Variants in PRAMEF4 observed in about 807,000 individuals in gnomAD.
PRAMEF4 encodes RP5-845O24.6.
Under a neutral mutation model 34.4 loss-of-function variants are expected in PRAMEF4, and 18 were observed. The ratio of observed to expected loss-of-function variants is 0.52; its 90% CI spans 0.36 to 0.78. The LOEUF (loss-of-function observed/expected upper bound fraction) is 0.78, where lower values mean the gene tolerates loss of function less well. Ranked by LOEUF, PRAMEF4 falls within the 30% of genes least tolerant of loss-of-function variation. PRAMEF4 has a pLI of 0.00. For missense variants in PRAMEF4, 482 were observed against 569.1 expected (o/e 0.85, Z 1.56); for synonymous variants, 156 against 219.3 (o/e 0.71, Z 2.55).
chr1:12,881,209 T>C (rs1307784557), intron 3 of PRAMEF4, among the ~76,000 whole-genome samples: 1 of 147,442 alleles, frequency 6.8e-6, no homozygotes, highest in Non-Finnish European at 1.5e-5. Context: ...CTACTTAAAA[T>C]ATAAAAATTA....
At chr1:12,885,661 A>G (rs541075318) in intron 1 of PRAMEF4, among the ~76,000 whole-genome samples, 3 of 145,670 alleles carry the variant, frequency 2.1e-5, no homozygotes, top group East Asian at 4.0e-4. Flanking sequence ...GATGTCTGTG[A>G]CACCAGCTTC....
Position 12,883,423 on chromosome 1 carries a change from A to C in PRAMEF4, c.-16-13T>G. 1 of 1,601,042 alleles carries C rather than the reference A, an allele frequency of 6.2e-7. No homozygotes were observed. Among genetic ancestry groups the C allele is most frequent in the South Asian group, 1.1e-5 (1 of 90,200 alleles). Reference sequence around the variant, plus strand: ...TCTGCAGGGAAAACTTCCAGAGGACAAACCCAGAGAAAAGGCATCTCTCTC... The same window carrying C: ...TCTGCAGGGAAAACTTCCAGAGGACCAACCCAGAGAAAAGGCATCTCTCTC... On this transcript the variant is annotated splice_polypyrimidine_tract_variant and intron_variant, in intron 1 of 3. Coordinates refer to ENST00000235349, the MANE Select transcript of PRAMEF4 (RefSeq NM_001009611.4).
intron 1 of PRAMEF4, among the ~76,000 whole-genome samples, chr1:12,884,977 A>C (rs1640972019): frequency 6.7e-6 from 1 of 150,106 alleles, no homozygotes. Flanking sequence ...AGAAAGAAAG[A>C]AAACTTGAAA....
intron 3 of PRAMEF4, among the ~76,000 whole-genome samples, chr1:12,880,808 G>A (rs1171823633): frequency 1.4e-5 from 2 of 146,340 alleles, no homozygotes; most frequent in African/African-American, 2.6e-5. Flanking sequence ...TCCCTGACAT[G>A]CCTGTATCAT....
chr1:12,885,962 A>G (rs1640994820), intron 1 of PRAMEF4, among the ~76,000 whole-genome samples, 185 bp downstream of exon 1: 1 of 93,690 alleles, frequency 1.1e-5, no homozygotes, highest in Non-Finnish European at 2.0e-5. Context: ...AGCACAATCA[A>G]CTTTTTTGAA....
At chr1:12,884,056 T>C (rs1640947574) in intron 1 of PRAMEF4, among the ~76,000 whole-genome samples, 1 of 146,364 alleles carries the variant, frequency 6.8e-6, no homozygotes, top group Admixed American at 7.2e-5. Flanking sequence ...TCACCCAGCC[T>C]GGAGTGTAGT....
chr1:12,883,109 G>T lies in PRAMEF4; in HGVS notation c.286C>A (p.Arg96Ser), dbSNP rs76269416. The part of the protein sequence containing the change: ...GLDALLNLGV[R>S]PRRWKLQVLD... ...CCACCTGGGCCACCTCACCTGGGAC[G>T]AACCCCTAGGTTAAGCAGTGCATCC... is the stretch of plus-strand genomic sequence containing the variant. The change falls in exon 2 of 4, where the codon CGT becomes AGT. Residue 96 changes from arginine to serine, a missense_variant. Physicochemically the swap from Arg to Ser is moderately radical, Grantham distance 110. Around this residue, in one of 6 missense-constraint regions of PRAMEF4, gnomAD observed 172 missense variants for 130.2 expected, o/e 1.32. Transcript: ENST00000235349. 7.5e-6 allele frequency: 12 copies of T among 1,601,082 alleles called. No individual in the cohort carries two copies. The highest frequency in any genetic ancestry group is 2.0e-4 in the Middle Eastern group (1 of 5,108).
rs950231210 is a variant in PRAMEF4, at chr1:12,884,691, G to A, written c.-16-1281C>T. On this transcript the variant is annotated intron_variant, in intron 1 of 3. Coordinates refer to ENST00000235349, the MANE Select transcript of PRAMEF4 (RefSeq NM_001009611.4). Reference sequence around the variant, plus strand: ...CATTATACCACTCCACTCCAGCCTGGGAAATAGGCTAGATTGAACAGAGAG... The same window carrying A: ...CATTATACCACTCCACTCCAGCCTGAGAAATAGGCTAGATTGAACAGAGAG... Among the ~76,000 whole-genome samples the A allele has an allele frequency of 5.4e-5, 8 of 147,436 alleles. 2 individuals carry two copies. The highest frequency in any genetic ancestry group is 2.1e-4 in the Admixed American group (3 of 14,284).
Position 12,883,038 on chromosome 1 carries a change from G to T in PRAMEF4, c.293+64C>A. The T allele has an allele frequency of 5.1e-6, 8 of 1,582,360 alleles. 1 individual carries two copies. The Admixed American group carries it at 1.4e-4, about 29-fold the overall frequency. ...CCCCTTGGGCCTCCTCACTTCTCAC[G>T]ACCCAGCTGTTCCTTCAGTTGGACA... On this transcript the variant is annotated intron_variant, in intron 2 of 3. Coordinates refer to ENST00000235349, the MANE Select transcript of PRAMEF4 (RefSeq NM_001009611.4).
chr1:12,884,492 A>T (rs970519678), intron 1 of PRAMEF4, among the ~76,000 whole-genome samples: 1 of 148,664 alleles, frequency 6.7e-6, no homozygotes, highest in East Asian at 2.0e-4. Flanking sequence ...AGGCAGGTGG[A>T]TCATCTGAGA....
chr1:12,879,704 C>G lies in PRAMEF4; in HGVS notation c.1277G>C (p.Gly426Ala), dbSNP rs778481526. ...PAPRESYGAD[G>A]TLCWSRFAQI... ...AGCAAATCTGCTCCAGCAGAGAGTA[C>G]CATCAGCACCATAACTCTCCCGGGG... The change falls in exon 4 of 4, where the codon GGT (glycine) becomes GCT (alanine). Residue 426 changes from glycine (G) to alanine (A), a missense_variant. Coordinates refer to ENST00000235349, the MANE Select transcript of PRAMEF4 (RefSeq NM_001009611.4). The G allele has an allele frequency of 1.9e-6, 3 of 1,601,418 alleles. No individual in the cohort carries two copies. The South Asian group carries it at 3.3e-5, about 18-fold the overall frequency.
In PRAMEF4 at chr1:12,883,251, C is replaced by T. The variant is rs1640928632; in HGVS notation, c.144G>A (p.Arg48=). 1 of 1,599,172 alleles carries T rather than the reference C, an allele frequency of 6.3e-7. No individual in the cohort carries two copies. Among genetic ancestry groups the T allele is most frequent in the Non-Finnish European group, 8.5e-7 (1 of 1,173,126 alleles). Residue 48 remains arginine, a synonymous_variant, in exon 2 of 4, where the codon AGG becomes AGA. Coordinates refer to ENST00000235349, the MANE Select transcript of PRAMEF4 (RefSeq NM_001009611.4). The part of the protein sequence containing the change: ...FPPLFMEAFS[R]RRCEALKLMV... ...TCAGCTTCAGGGCCTCACAGCGTCT[C>T]CTGCTGAAGGCCTCCATGAACAGTG...
chr1:12,884,489 T>A (rs199580434), intron 1 of PRAMEF4, among the ~76,000 whole-genome samples: 1 of 146,104 alleles, frequency 6.8e-6, no homozygotes, highest in African/African-American at 2.5e-5. Context: ...CCGAGGCAGG[T>A]GGATCATCTG....
At chr1:12,880,708 G>C (rs1640871906) in intron 3 of PRAMEF4, among the ~76,000 whole-genome samples, 1 of 148,250 alleles carries the variant, frequency 6.7e-6, no homozygotes, top group African/African-American at 2.5e-5. Context: ...CCACATCCCT[G>C]GGCCACAGGA....
Position 12,883,200 on chromosome 1 carries a change from G to T in PRAMEF4, c.195C>A (p.Arg65=), listed in dbSNP as rs780394575. The change falls in exon 2 of 4, where the codon CGC becomes CGA. Residue 65 remains arginine, a synonymous_variant. Coordinates refer to ENST00000235349, the MANE Select transcript of PRAMEF4 (RefSeq NM_001009611.4). ...KLMVQSWPFR[R]LPLRPLIKMP... ...TCTTTATCAGAGGCCTCAGAGGGAGGCGGCGGAAGGGCCAGGACTGCACCA... is the reference window on the plus strand; with the variant it reads ...TCTTTATCAGAGGCCTCAGAGGGAGTCGGCGGAAGGGCCAGGACTGCACCA... The T allele has an allele frequency of 2.1e-5, 34 of 1,599,480 alleles. 2 individuals are homozygous for T. The highest frequency in any genetic ancestry group is 2.9e-5 in the Non-Finnish European group (34 of 1,173,132).
intron 3 of PRAMEF4, among the ~76,000 whole-genome samples, chr1:12,880,413 T>C (rs1640865419): frequency 6.7e-6 from 1 of 150,340 alleles, no homozygotes; most frequent in African/African-American, 2.5e-5. Flanking sequence ...TCCTCTCTAC[T>C]AAAAATCCAA....
At position 12,882,367 on chromosome 1, in the gene PRAMEF4, G is replaced by C. The variant is rs1254054345; in HGVS notation, c.362C>G (p.Ala121Gly). The change falls in exon 3 of 4, where the codon GCT becomes GGT. Residue 121 changes from alanine to glycine, a missense_variant. Transcript: ENST00000235349. ...ATTGAGGAAGCACCCATGGGCCATA[G>C]CTTCAGACCAAACCATCCAGAAGTT... ...CENFWMVWSE[A>G]MAHGCFLNAK... 6.3e-7 allele frequency: 1 copy of C among 1,583,410 alleles called. No individual in the cohort carries two copies. The highest frequency in any genetic ancestry group is 8.6e-7 in the Non-Finnish European group (1 of 1,165,986).
rs1405423925 is a variant in PRAMEF4 at position 12,879,647 on chromosome 1, C to T, written c.1334G>A (p.Arg445Lys). The change falls in exon 4 of 4, where the codon AGG becomes AAG. Residue 445 changes from arginine to lysine, a missense_variant. Arg to Lys is a conservative substitution (Grantham distance 26, BLOSUM62 2). Transcript: ENST00000235349. ...QIRAELMNRV[R>K]DLRHPKRILF... ...GATCCTCTTGGGGTGCCTTAAGTCC[C>T]TCACTCTGTTCATCAGCTCAGCCCT... 6.3e-7 allele frequency: 1 copy of T among 1,598,008 alleles called. No individual in the cohort carries two copies. The highest frequency in any genetic ancestry group is 8.5e-7 in the Non-Finnish European group (1 of 1,172,532).
At position 12,879,665 on chromosome 1, in the gene PRAMEF4, T is replaced by G. The variant is rs1302401536; in HGVS notation, c.1316A>C (p.Glu439Ala). The G allele has an allele frequency of 8.1e-6, 13 of 1,601,568 alleles. 1 individual carries two copies. Among genetic ancestry groups the G allele is most frequent in the Non-Finnish European group, 1.1e-5 (13 of 1,175,212 alleles). ...TAAGTCCCTCACTCTGTTCATCAGCTCAGCCCTAATTTGAGCAAATCTGCT... is the reference window on the plus strand; with the variant it reads ...TAAGTCCCTCACTCTGTTCATCAGCGCAGCCCTAATTTGAGCAAATCTGCT... The part of the protein sequence containing the change: ...CWSRFAQIRA[E>A]LMNRVRDLRH... The change falls in exon 4 of 4, where the codon GAG (glutamate) becomes GCG (alanine). Residue 439 changes from glutamate (E) to alanine (A), a missense_variant. Physicochemically the swap from Glu to Ala is moderately radical, Grantham distance 107. Coordinates refer to ENST00000235349, the MANE Select transcript of PRAMEF4 (RefSeq NM_001009611.4).
Sources: gnomAD v4.1 joint callset for allele counts (sites outside exome capture counted in the v4.1 genomes callset) on GRCh38, gnomAD v4.1.1 for gene constraint, gnomAD v4.1.1 regional missense constraint, MANE v1.5 for transcripts, NCBI Gene and HGNC (gene_info 2026-07-23, HGNC 2026-07-21) for gene names.